The following RPRD2 variants were observed in gnomAD, a reference collection of about 807,000 sequenced individuals.
RPRD2 encodes the protein regulation of nuclear pre-mRNA domain containing 2.
Under a neutral mutation model 104.4 loss-of-function variants are expected in RPRD2, and 12 were observed. That is an observed-to-expected ratio of 0.11 (90% confidence interval 0.07 to 0.19). The LOEUF (loss-of-function observed/expected upper bound fraction) is 0.19, where lower values mean the gene tolerates loss of function less well. RPRD2 is among the 10% of genes least tolerant of loss of function. The pLI is 1.00. For synonymous variants in RPRD2, 714 were observed against 684.9 expected, an observed-to-expected ratio of 1.04 and a Z score of -0.66; for missense variants, 1,543 against 1,790.1, an observed-to-expected ratio of 0.86 and a Z score of 2.49.
chr1:150,441,141 ATTTG>A (rs1374872573), intron 3 of RPRD2, 118 bp downstream of exon 3: 3 of 537,470 alleles, frequency 5.6e-6, no homozygotes, highest in Non-Finnish European at 6.5e-6. Context: ...ATCTAGCCCT[ATTTG>A]TTTAAAGTTA....
chr1:150,372,506 G>GACACACAC lies in RPRD2; in HGVS notation c.205+7595_205+7602dup, dbSNP rs143656895. On this transcript the variant is annotated intron_variant, in intron 1 of 10. Transcript: ENST00000369068. ...AAAAAGAAACACACACACACACACA[G>GACACACAC]ACACACACACACACAAAGACAGCAT... 5.2e-3 allele frequency among the ~76,000 whole-genome samples: 789 copies of GACACACAC among 150,292 alleles called. 4 individuals carry two copies. Among genetic ancestry groups the GACACACAC allele is most frequent in the African/African-American group, 0.016 (655 of 40,912 alleles).
chr1:150,431,047 T>C (rs1204866462), intron 2 of RPRD2, among the ~76,000 whole-genome samples: 1 of 152,166 alleles, frequency 6.6e-6, no homozygotes, highest in Non-Finnish European at 1.5e-5. Flanking sequence ...TACCTAGTTA[T>C]TGTAATGAAA....
intron 1 of RPRD2, among the ~76,000 whole-genome samples, chr1:150,376,612 C>T (rs2794674): frequency 2.6e-5 from 4 of 151,428 alleles, no homozygotes; most frequent in South Asian, 2.1e-4. Flanking sequence ...GCCATTCTCT[C>T]GCCTCAGCCT....
At chr1:150,420,255 T>A (rs1041133806) in intron 2 of RPRD2, among the ~76,000 whole-genome samples, 3 of 152,102 alleles carry the variant, frequency 2.0e-5, no homozygotes, top group South Asian at 2.1e-4. Flanking sequence ...CTTTTTTTTT[T>A]AAACCATGTA....
chr1:150,458,679 G>A (rs1188947682), intron 8 of RPRD2, among the ~76,000 whole-genome samples: 2 of 151,764 alleles, frequency 1.3e-5, no homozygotes, highest in Non-Finnish European at 1.5e-5. Flanking sequence ...TCCCTCTGTC[G>A]CCCAGGCTGG....
Position 150,471,691 on chromosome 1 carries a change from G to C in RPRD2, c.2743G>C (p.Ala915Pro), listed in dbSNP as rs751215227. 1.2e-6 allele frequency: 2 copies of C among 1,613,710 alleles called. No individual in the cohort carries two copies. Among genetic ancestry groups the C allele is most frequent in the East Asian group, 4.5e-5 (2 of 44,884 alleles). ...RLSSSPGLFG[A>P]FSVRGNEPGS... ...CTCATCTTCCCCTGGGCTATTTGGT[G>C]CCTTCAGCGTAAGAGGGAATGAACC... The change falls in exon 11 of 11, where the codon GCC becomes CCC. Residue 915 changes from alanine (A) to proline (P), a missense_variant. By Grantham distance (27) the Ala-to-Pro change is conservative. This residue lies in a region of RPRD2 where 880 missense variants were observed against 885.6 expected (regional missense o/e 0.99). Transcript: ENST00000369068. The surrounding 1 kb of genome is among the most constrained non-coding windows in gnomAD (Gnocchi z 5.3).
In RPRD2 at chr1:150,364,932, G is replaced by C; in HGVS notation, c.205+13G>C. The C allele has an allele frequency of 6.2e-7, 1 of 1,613,050 alleles. No homozygotes were observed. The highest frequency in any genetic ancestry group is 8.5e-7 in the Non-Finnish European group (1 of 1,179,324). On this transcript the variant is annotated intron_variant, in intron 1 of 10. Transcript: ENST00000369068. ...TGGCTCCGGAGATGTGAGTGTTGGG[G>C]GTGACTAGGGAAGGGAAGACTGGGG... is the stretch of plus-strand genomic sequence containing the variant.
At position 150,444,284 on chromosome 1, in the gene RPRD2, A is replaced by C; in HGVS notation, c.601A>C (p.Lys201Gln). Residue 201 changes from lysine (K) to glutamine (Q), a missense_variant, in exon 6 of 11, where the codon AAG (lysine) becomes CAG (glutamine). Transcript: ENST00000369068. ...CCTAATTGAAGAGCTGTTGCTATAC[A>C]AGCGCTCAGAAGATCAGATAGAACT... ...QALIEELLLY[K>Q]RSEDQIELKE... 6.2e-7 allele frequency: 1 copy of C among 1,613,690 alleles called. No homozygotes were observed. The highest frequency in any genetic ancestry group is 2.2e-5 in the East Asian group (1 of 44,862).
At position 150,441,916 on chromosome 1, in the gene RPRD2, A is replaced by G. The variant is rs201385134; in HGVS notation, c.472A>G (p.Asn158Asp). Residue 158 changes from asparagine to aspartate, a missense_variant, in exon 4 of 11, where the codon AAT becomes GAT. By Grantham distance (23) the Asn-to-Asp change is conservative. This residue lies in a region of RPRD2 where 572 missense variants were observed against 787.3 expected (regional missense o/e 0.73). Transcript: ENST00000369068. ...CAAAACTCAGAAGCAGCTGAAAGAA[A>G]ATCTGAACAAACAACCGAATAAGCA... ...TFKTQKQLKE[N>D]LNKQPNKQWK... 1 of 1,613,288 alleles carries G rather than the reference A, an allele frequency of 6.2e-7. No individual in the cohort carries two copies. The highest frequency in any genetic ancestry group is 2.2e-5 in the East Asian group (1 of 44,868).
Position 150,472,412 on chromosome 1 carries a change from G to A in RPRD2, c.3464G>A (p.Gly1155Asp). 1.2e-6 allele frequency: 2 copies of A among 1,613,968 alleles called. No individual in the cohort carries two copies. The highest frequency in any genetic ancestry group is 2.2e-5 in the East Asian group (1 of 44,886). ...ASELASLGGGGSGGLTGFKTA... is the reference protein window; with the variant it reads ...ASELASLGGGDSGGLTGFKTA... ...GAGTTGGCATCCCTTGGGGGTGGGGGCAGCGGAGGCCTCACTGGCTTTAAA... is the reference window on the plus strand; with the variant it reads ...GAGTTGGCATCCCTTGGGGGTGGGGACAGCGGAGGCCTCACTGGCTTTAAA... The change falls in exon 11 of 11, where the codon GGC becomes GAC. Residue 1155 changes from glycine to aspartate, a missense_variant. Gly to Asp is a moderately conservative substitution (Grantham distance 94). This residue lies in a region of RPRD2 where 880 missense variants were observed against 885.6 expected (regional missense o/e 0.99). Transcript: ENST00000369068.
At chr1:150,461,425 A>G (rs185028868) in intron 9 of RPRD2, among the ~76,000 whole-genome samples, 1 of 152,372 alleles carries the variant, frequency 6.6e-6, no homozygotes. Flanking sequence ...AAAGTTAATT[A>G]CATATCTTGA....
At chr1:150,412,803 A>T (rs1447351222) in intron 1 of RPRD2, among the ~76,000 whole-genome samples, 1 of 152,130 alleles carries the variant, frequency 6.6e-6, no homozygotes, top group Non-Finnish European at 1.5e-5. Flanking sequence ...AGAAACGGGG[A>T]TTGATTTATG....
At chr1:150,394,538 A>G (rs1469807804) in intron 1 of RPRD2, among the ~76,000 whole-genome samples, 1 of 152,338 alleles carries the variant, frequency 6.6e-6, no homozygotes, top group South Asian at 2.1e-4. Context: ...TGCTAAATGT[A>G]GGTAAAATAT....
chr1:150,376,586 C>A (rs1223338417), intron 1 of RPRD2, among the ~76,000 whole-genome samples: 2 of 151,576 alleles, frequency 1.3e-5, no homozygotes, highest in Admixed American at 1.3e-4. Flanking sequence ...CTGCAAGCTC[C>A]GCCTCCCGGG....
intron 7 of RPRD2, among the ~76,000 whole-genome samples, chr1:150,448,322 T>G (rs1025266498): frequency 6.6e-6 from 1 of 151,944 alleles, no homozygotes; most frequent in Non-Finnish European, 1.5e-5. Context: ...GTGCATGCCA[T>G]CATGCCTGGC....
At chr1:150,437,823 G>A (rs948598306) in intron 2 of RPRD2, among the ~76,000 whole-genome samples, 33 of 151,758 alleles carry the variant, frequency 2.2e-4, no homozygotes, top group African/African-American at 7.0e-4. Context: ...CAGGTGATCC[G>A]CCAGCTTCAG....
At chr1:150,462,571 T>C (rs928886018) in intron 9 of RPRD2, among the ~76,000 whole-genome samples, 1 of 152,190 alleles carries the variant, frequency 6.6e-6, no homozygotes, top group East Asian at 1.9e-4. Context: ...ATTTATTTAT[T>C]TTGAGACAGT....
chr1:150,393,846 A>G (rs1361254956), intron 1 of RPRD2, among the ~76,000 whole-genome samples: 5 of 152,118 alleles, frequency 3.3e-5, no homozygotes, highest in Admixed American at 3.3e-4. Context: ...GGAGAGGTAA[A>G]GGGACTCTCC....
At chr1:150,406,584 A>G (rs1663493760) in intron 1 of RPRD2, among the ~76,000 whole-genome samples, 1 of 151,888 alleles carries the variant, frequency 6.6e-6, no homozygotes. Flanking sequence ...TTTTTACTAT[A>G]GATGGGGTTT....
Sources: gnomAD v4.1 joint callset for allele counts (sites outside exome capture counted in the v4.1 genomes callset) on GRCh38, gnomAD v4.1.1 for gene constraint, gnomAD v4.1.1 regional missense constraint, Gnocchi (gnomAD v3.1) non-coding constraint, MANE v1.5 for transcripts, NCBI Gene and HGNC (gene_info 2026-07-23, HGNC 2026-07-21) for gene names.